The following NKAIN2 variants were observed in gnomAD, a reference collection of about 807,000 sequenced individuals.
NKAIN2 encodes sodium/potassium transporting ATPase interacting 2, also known as sodium/potassium-transporting ATPase subunit beta-1-interacting protein 2.
A neutral mutation model predicts 32.6 loss-of-function variants in NKAIN2; 14 were observed. That is an observed-to-expected ratio of 0.43 (90% confidence interval 0.28 to 0.67). NKAIN2 has a LOEUF of 0.67. Among genes scored for constraint, NKAIN2 ranks in the 30% least tolerant of loss-of-function variants. The pLI is 0.17. For missense variants in NKAIN2, 198 were observed against 258.3 expected, an observed-to-expected ratio of 0.77 and a Z score of 1.60; for synonymous variants, 80 against 87.2, an observed-to-expected ratio of 0.92 and a Z score of 0.46.
At chr6:124,158,947 TCA>T (rs1788131886) in intron 1 of NKAIN2, among the ~76,000 whole-genome samples, 1 of 152,154 alleles carries the variant, frequency 6.6e-6, no homozygotes, top group Non-Finnish European at 1.5e-5. Context: ...ATGTTAGACA[TCA>T]GCTTGCTCAT....
chr6:124,189,474 G>A (rs1789909415), intron 1 of NKAIN2, among the ~76,000 whole-genome samples: 1 of 152,118 alleles, frequency 6.6e-6, no homozygotes, highest in African/African-American at 2.4e-5. Flanking sequence ...GCCGAGGTGG[G>A]CAGATCACGA....
intron 5 of NKAIN2, among the ~76,000 whole-genome samples, chr6:124,791,629 C>T (rs1779752310): frequency 6.6e-6 from 1 of 152,070 alleles, no homozygotes; most frequent in African/African-American, 2.4e-5. Flanking sequence ...CATTGAAAAC[C>T]TTTTAAAAAT....
intron 3 of NKAIN2, among the ~76,000 whole-genome samples, chr6:124,546,634 G>T (rs1289544923): frequency 6.6e-6 from 1 of 151,942 alleles, no homozygotes; most frequent in Admixed American, 6.6e-5. Flanking sequence ...TATTGAATTT[G>T]TTGGGACACT....
intron 1 of NKAIN2, among the ~76,000 whole-genome samples, chr6:124,263,563 AT>A (rs985058402): frequency 1.3e-5 from 2 of 152,168 alleles, no homozygotes; most frequent in Non-Finnish European, 2.9e-5. Flanking sequence ...ATGTTAATAC[AT>A]TTTACAAAGT....
rs1045836448 is a variant in NKAIN2 at position 124,365,149 on chromosome 6, A to G, written c.273+9802A>G. On this transcript the variant is annotated intron_variant, in intron 3 of 6. Coordinates refer to ENST00000368417, the MANE Select transcript of NKAIN2 (RefSeq NM_001040214.3). ...CTAACAACAACAGAGAGGGTCAATA[A>G]GAAAAAAATATCAAGATGGGTGCTA... 1.7e-4 allele frequency among the ~76,000 whole-genome samples: 26 copies of G among 151,866 alleles called. 1 individual carries two copies. The highest frequency in any genetic ancestry group is 1.2e-3 in the Admixed American group (19 of 15,248).
chr6:124,151,263 T>C (rs1166459049), intron 1 of NKAIN2, among the ~76,000 whole-genome samples: 3 of 152,056 alleles, frequency 2.0e-5, no homozygotes, highest in African/African-American at 7.2e-5. Context: ...TACATGACTT[T>C]TATTTTATTG....
At chr6:124,129,477 G>A (rs1380461553) in intron 1 of NKAIN2, among the ~76,000 whole-genome samples, 1 of 152,090 alleles carries the variant, frequency 6.6e-6, no homozygotes, top group Non-Finnish European at 1.5e-5. Context: ...TTTTCACAAA[G>A]GACATCAATG....
In NKAIN2 at chr6:124,706,961, A is replaced by AG. The variant is rs1277617873; in HGVS notation, c.474+48576dup. ...ACCCACTAACTCGTCATCTAGCATT[A>AG]GTATATCTCCCAATGCTATCCGTCC... On this transcript the variant is annotated intron_variant, in intron 4 of 6. Transcript: ENST00000368417. Among the ~76,000 whole-genome samples the AG allele has an allele frequency of 2.6e-4, 39 of 151,790 alleles. 1 individual carries two copies. The highest frequency in any genetic ancestry group is 1.2e-3 in the Admixed American group (18 of 15,264).
chr6:124,768,688 G>A (rs558532324), intron 4 of NKAIN2, among the ~76,000 whole-genome samples: 139 of 151,886 alleles, frequency 9.2e-4, no homozygotes, highest in Admixed American at 3.3e-3. Flanking sequence ...TTATTCATAG[G>A]AATTGTCTAA....
At chr6:124,297,826 C>T (rs933970640) in intron 2 of NKAIN2, among the ~76,000 whole-genome samples, 1 of 152,072 alleles carries the variant, frequency 6.6e-6, no homozygotes, top group Admixed American at 6.5e-5. Flanking sequence ...TAAATCATTT[C>T]TTCTCTAAAA....
At chr6:124,687,196 T>C (rs1773940806) in intron 4 of NKAIN2, among the ~76,000 whole-genome samples, 1 of 146,982 alleles carries the variant, frequency 6.8e-6, no homozygotes, top group South Asian at 2.1e-4. Context: ...TATATACATA[T>C]GGAATGTATA....
At chr6:124,364,965 G>A (rs575831939) in intron 3 of NKAIN2, among the ~76,000 whole-genome samples, 1 of 152,028 alleles carries the variant, frequency 6.6e-6, no homozygotes, top group Non-Finnish European at 1.5e-5. Context: ...TTATGGAAAT[G>A]TTAATGGTAA....
At chr6:123,847,816 A>T (rs1320874072) in intron 1 of NKAIN2, among the ~76,000 whole-genome samples, 2 of 152,120 alleles carry the variant, frequency 1.3e-5, no homozygotes, top group African/African-American at 4.8e-5. Flanking sequence ...ATAATTACCT[A>T]AAAAATCTTA....
intron 3 of NKAIN2, among the ~76,000 whole-genome samples, chr6:124,504,761 C>T (rs1222151876): frequency 6.6e-6 from 1 of 152,180 alleles, no homozygotes; most frequent in East Asian, 1.9e-4. Context: ...TGGGTTTACA[C>T]TCAGAAAAGT....
At chr6:124,501,090 T>C (rs549546364) in intron 3 of NKAIN2, among the ~76,000 whole-genome samples, 12 of 152,204 alleles carry the variant, frequency 7.9e-5, no homozygotes, top group African/African-American at 2.9e-4. Flanking sequence ...GCAGATAACT[T>C]TGGAAAGAGT....
At chr6:123,809,156 A>G (rs1269452398) in intron 1 of NKAIN2, among the ~76,000 whole-genome samples, 2 of 152,304 alleles carry the variant, frequency 1.3e-5, no homozygotes, top group African/African-American at 2.4e-5. Context: ...CCCTATTTCC[A>G]ATAACATACA....
At chr6:124,029,326 A>G (rs895754424) in intron 1 of NKAIN2, among the ~76,000 whole-genome samples, 1 of 151,836 alleles carries the variant, frequency 6.6e-6, no homozygotes, top group Non-Finnish European at 1.5e-5. Context: ...ATATTCATAC[A>G]CTTACAATCC....
At chr6:123,850,557 T>G (rs1211104273) in intron 1 of NKAIN2, among the ~76,000 whole-genome samples, 1 of 152,108 alleles carries the variant, frequency 6.6e-6, no homozygotes, top group Non-Finnish European at 1.5e-5. Context: ...GTAGAAGGTC[T>G]TCTTTACCAG....
chr6:123,929,366 A>G (rs994112803), intron 1 of NKAIN2, among the ~76,000 whole-genome samples: 1 of 152,020 alleles, frequency 6.6e-6, no homozygotes, highest in Non-Finnish European at 1.5e-5. Context: ...ACCTCTTCTC[A>G]CAGAGGAGAA....
Sources: gnomAD v4.1 joint callset for allele counts (sites outside exome capture counted in the v4.1 genomes callset) on GRCh38, gnomAD v4.1.1 for gene constraint, MANE v1.5 for transcripts, NCBI Gene and HGNC (gene_info 2026-07-23, HGNC 2026-07-21) for gene names.